Variants in PRORP observed in about 807,000 individuals in gnomAD.
PRORP encodes mitochondrial ribonuclease P catalytic subunit.
A neutral mutation model predicts 59.4 loss-of-function variants in PRORP; 51 were observed. The ratio of observed to expected loss-of-function variants is 0.86; its 90% CI spans 0.69 to 1.08. PRORP has a LOEUF of 1.08. Among genes scored for constraint, PRORP ranks in the 50% least tolerant of loss-of-function variants. The pLI is 0.00. For missense variants in PRORP, 646 were observed against 690.3 expected (o/e 0.94, Z 0.72); for synonymous variants, 231 against 245.6 (o/e 0.94, Z 0.55).
intron 5 of PRORP, among the ~76,000 whole-genome samples, chr14:35,198,732 T>C (rs1203327274): frequency 6.6e-6 from 1 of 152,232 alleles, no homozygotes; most frequent in African/African-American, 2.4e-5. Flanking sequence ...CTTCGATGTC[T>C]GTTAAATAAT....
chr14:35,269,502 T>TAACA (rs2051131955), intron 6 of PRORP, among the ~76,000 whole-genome samples: 1 of 152,236 alleles, frequency 6.6e-6, no homozygotes, highest in African/African-American at 2.4e-5. Flanking sequence ...TCCACTAATG[T>TAACA]GCCAAAGAAG....
chr14:35,131,569 C>T (rs967051506), intron 4 of PRORP, among the ~76,000 whole-genome samples: 2 of 151,552 alleles, frequency 1.3e-5, no homozygotes, highest in African/African-American at 4.8e-5. Context: ...TGCTCTGTCA[C>T]CCAGGCTGGA....
chr14:35,204,529 A>G (rs1254397253), intron 5 of PRORP, among the ~76,000 whole-genome samples: 1 of 152,186 alleles, frequency 6.6e-6, no homozygotes, highest in African/African-American at 2.4e-5. Context: ...TTATTCATCA[A>G]ATATTTTTTG....
chr14:35,160,022 C>G (rs936789995), intron 4 of PRORP, among the ~76,000 whole-genome samples: 44 of 152,332 alleles, frequency 2.9e-4, no homozygotes, highest in Middle Eastern at 3.4e-3. Context: ...GAAACAGATT[C>G]AAACTGTGCC....
chr14:35,136,382 T>G (rs542986986), intron 4 of PRORP, among the ~76,000 whole-genome samples: 28 of 148,832 alleles, frequency 1.9e-4, no homozygotes, highest in African/African-American at 6.6e-4. Flanking sequence ...GTTTTTTTGG[T>G]TTTTTTTTTG....
Position 35,270,459 on chromosome 14 carries a change from T to C in PRORP, c.1483T>C (p.Phe495Leu). ...ATLHSGNHCRFITRDLMRDHK... is the reference protein window; with the variant it reads ...ATLHSGNHCRLITRDLMRDHK... ...ACTGCACTCCGGGAATCACTGCAGGTTTATCACAAGAGACCTGATGCGGGA... is the reference window on the plus strand; with the variant it reads ...ACTGCACTCCGGGAATCACTGCAGGCTTATCACAAGAGACCTGATGCGGGA... Residue 495 changes from phenylalanine to leucine, a missense_variant, in exon 7 of 8, where the codon TTT becomes CTT. Phe to Leu is a conservative substitution (Grantham distance 22). Coordinates refer to ENST00000534898, the MANE Select transcript of PRORP (RefSeq NM_014672.4). 6.2e-7 allele frequency: 1 copy of C among 1,614,084 alleles called. No individual in the cohort carries two copies. The highest frequency in any genetic ancestry group is 8.5e-7 in the Non-Finnish European group (1 of 1,180,018).
chr14:35,157,871 A>G (rs1158408480), intron 4 of PRORP: 1 of 159,822 alleles, frequency 6.3e-6, no homozygotes, highest in East Asian at 1.7e-4. Flanking sequence ...ATTCGTAACT[A>G]TTAATAATAC....
At chr14:35,233,248 T>TA (rs1361486092) in intron 5 of PRORP, among the ~76,000 whole-genome samples, 2 of 150,082 alleles carry the variant, frequency 1.3e-5, no homozygotes, top group African/African-American at 4.9e-5. Context: ...GATAGGTACT[T>TA]ACCATCGGCT....
intron 5 of PRORP, among the ~76,000 whole-genome samples, chr14:35,258,352 A>C (rs1375612376): frequency 6.6e-6 from 1 of 152,188 alleles, no homozygotes; most frequent in Non-Finnish European, 1.5e-5. Context: ...GAGAAAAAAC[A>C]GTAGACAGAA....
intron 4 of PRORP, among the ~76,000 whole-genome samples, chr14:35,153,255 C>T (rs956773807): frequency 2.4e-4 from 37 of 152,184 alleles, no homozygotes; most frequent in African/African-American, 8.0e-4. Context: ...TCAGGCGTGG[C>T]GGTGCGCGCC....
At chr14:35,134,140 G>C (rs766965625) in intron 4 of PRORP, among the ~76,000 whole-genome samples, 3 of 152,202 alleles carry the variant, frequency 2.0e-5, no homozygotes, top group Non-Finnish European at 2.9e-5. Flanking sequence ...AAAAATCTTA[G>C]AAGTCTACCT....
At chr14:35,235,050 A>G in intron 5 of PRORP, 1 of 385,952 alleles carries the variant, frequency 2.6e-6, no homozygotes, top group Non-Finnish European at 5.0e-6. Context: ...TCACTGCTTA[A>G]TTGAAATGGC....
At chr14:35,266,631 A>G in intron 5 of PRORP, 96 bp from the exon 6 acceptor site, 1 of 1,271,178 alleles carries the variant, frequency 7.9e-7, no homozygotes, top group Non-Finnish European at 1.1e-6. Context: ...ACCAGAAAAG[A>G]GTGCTTCACC....
chr14:35,128,455 C>A (rs896022955), intron 4 of PRORP, among the ~76,000 whole-genome samples: 1 of 152,010 alleles, frequency 6.6e-6, no homozygotes, highest in Admixed American at 6.6e-5. Flanking sequence ...AGCAGTGAAG[C>A]CGTCAGGTCC....
intron 4 of PRORP, among the ~76,000 whole-genome samples, chr14:35,147,374 ACT>A (rs1426104478): frequency 6.6e-6 from 1 of 152,008 alleles, no homozygotes; most frequent in East Asian, 1.9e-4. Flanking sequence ...ACAGGGTCTC[ACT>A]CTGTCACCCA....
chr14:35,173,314 A>C (rs978528924), intron 4 of PRORP, among the ~76,000 whole-genome samples: 2 of 152,182 alleles, frequency 1.3e-5, no homozygotes, highest in African/African-American at 4.8e-5. Flanking sequence ...TTTGTCTAGA[A>C]ATTATTGATT....
intron 5 of PRORP, among the ~76,000 whole-genome samples, chr14:35,229,771 C>T (rs2050025908): frequency 6.6e-6 from 1 of 152,160 alleles, no homozygotes; most frequent in South Asian, 2.1e-4. Flanking sequence ...TTGACATGTT[C>T]TTTGTCAATT....
At chr14:35,210,930 G>A (rs2049427173) in intron 5 of PRORP, among the ~76,000 whole-genome samples, 1 of 151,312 alleles carries the variant, frequency 6.6e-6, no homozygotes, top group Admixed American at 6.6e-5. Context: ...CACCTGGCTA[G>A]TTTTTTAAAA....
intron 5 of PRORP, among the ~76,000 whole-genome samples, chr14:35,232,902 T>C (rs981840401): frequency 1.3e-5 from 2 of 152,104 alleles, no homozygotes; most frequent in African/African-American, 4.8e-5. Context: ...CTTGGTCTCC[T>C]GACCTCATGA....
Sources: gnomAD v4.1 joint callset for allele counts (sites outside exome capture counted in the v4.1 genomes callset) on GRCh38, gnomAD v4.1.1 for gene constraint, MANE v1.5 for transcripts, NCBI Gene and HGNC (gene_info 2026-07-23, HGNC 2026-07-21) for gene names.